The following CNIH1 variants were observed in gnomAD, a reference collection of about 807,000 sequenced individuals.
The protein encoded by CNIH1 is protein cornichon homolog 1.
In CNIH1, 12 loss-of-function variants were observed where a neutral mutation model predicts 20.2. That is an observed-to-expected ratio of 0.59 (90% CI 0.38 to 0.96). CNIH1 has a LOEUF of 0.96. Among genes scored for constraint, CNIH1 ranks in the 40% least tolerant of loss-of-function variants. The pLI is 0.00. For synonymous variants in CNIH1, 69 were observed against 63.3 expected, an observed-to-expected ratio of 1.09 and a Z score of -0.43; for missense variants, 152 against 178.8, an observed-to-expected ratio of 0.85 and a Z score of 0.85.
In CNIH1 at chr14:54,424,430, A is replaced by G. The variant is rs1296819966; in HGVS notation, c.*3384T>C. 1.3e-5 allele frequency: 2 copies of G among 152,358 alleles called. No homozygotes were observed. Among genetic ancestry groups the G allele is most frequent in the African/African-American group, 4.8e-5 (2 of 41,588 alleles). 9.4% of individuals were successfully genotyped at this position (152,358 alleles called of 1,614,324 possible). A position where few individuals can be genotyped will look rare whatever the true frequency, so the allele number is the denominator to read the frequency against. ...AAGTAAACTAGACACATACTTTTAAATATAGACCATTATTTGAGTGGGCTT... is the reference window on the plus strand; with the variant it reads ...AAGTAAACTAGACACATACTTTTAAGTATAGACCATTATTTGAGTGGGCTT... On this transcript the variant is annotated 3_prime_UTR_variant, in exon 5 of 5. Transcript: ENST00000216416.
At position 54,425,803 on chromosome 14, in the gene CNIH1, C is replaced by T. The variant is rs2139997369; in HGVS notation, c.*2011G>A. The T allele has an allele frequency of 6.6e-6, 1 of 152,254 alleles. No individual in the cohort carries two copies. The highest frequency in any genetic ancestry group is 2.1e-4 in the South Asian group (1 of 4,816). 9.4% of individuals were successfully genotyped at this position (152,254 alleles called of 1,614,324 possible). ...TTGGGAAACATGAGAAAATGGCTTC[C>T]ACAAATCCCAACCAGTAAACTTACT... is the stretch of plus-strand genomic sequence containing the variant. On this transcript the variant is annotated 3_prime_UTR_variant, in exon 5 of 5. Transcript: ENST00000216416.
Position 54,430,302 on chromosome 14 carries a change from T to C in CNIH1, c.366A>G (p.Lys122=), listed in dbSNP as rs2030908261. Reference sequence around the variant, plus strand: ...AAAATGCTAGAAGATAAAAAGCTAATTTGCACCATCCTTCCTTCTGACAAT... The same window carrying C: ...AAAATGCTAGAAGATAAAAAGCTAACTTGCACCATCCTTCCTTCTGACAAT... ...LAYCQKEGWC[K]LAFYLLAFFY... Residue 122 remains lysine, a synonymous_variant, in exon 4 of 5, where the codon AAA becomes AAG. Coordinates refer to ENST00000216416, the MANE Select transcript of CNIH1 (RefSeq NM_005776.3). The C allele has an allele frequency of 6.2e-7, 1 of 1,614,104 alleles. No homozygotes were observed. Among genetic ancestry groups the C allele is most frequent in the African/African-American group, 1.3e-5 (1 of 75,046 alleles).
chr14:54,434,467 T>G (rs569157869), intron 2 of CNIH1, among the ~76,000 whole-genome samples: 1 of 152,350 alleles, frequency 6.6e-6, no homozygotes, highest in East Asian at 1.9e-4. Flanking sequence ...GTTCAAGTTC[T>G]GACTCTATCT....
At chr14:54,430,953 T>A (rs1196261846) in intron 3 of CNIH1, among the ~76,000 whole-genome samples, 1 of 152,016 alleles carries the variant, frequency 6.6e-6, no homozygotes, top group Non-Finnish European at 1.5e-5. Flanking sequence ...TGCCTCAGCC[T>A]CCCAAGTAGC....
chr14:54,427,891 A>T (rs185470039), intron 4 of CNIH1, 50 bp from the exon 5 acceptor site: 190 of 1,573,118 alleles, frequency 1.2e-4, no homozygotes, highest in Admixed American at 5.4e-4. Flanking sequence ...ATTATTAAAA[A>T]AAAACTCAGA....
Position 54,427,825 on chromosome 14 carries a change from C to T in CNIH1, c.424G>A (p.Val142Met). 6.2e-7 allele frequency: 1 copy of T among 1,613,168 alleles called. No individual in the cohort carries two copies. The highest frequency in any genetic ancestry group is 1.7e-5 in the Admixed American group (1 of 59,960). Residue 142 changes from valine (V) to methionine (M), a missense_variant, in exon 5 of 5, where the codon GTG becomes ATG. By Grantham distance (21) the Val-to-Met change is conservative. Around this residue, in one of 3 missense-constraint regions of CNIH1, gnomAD observed 28 missense variants for 22.8 expected, o/e 1.23. Transcript: ENST00000216416. ...TTCTGTGTGTTGTTCTAAGAGCTCA[C>T]CAAAACATAGATCATGCTGAAAAGA... ...YYLYGMIYVL[V>M]SS
At chr14:54,440,216 C>A (rs1188733451) in intron 1 of CNIH1, among the ~76,000 whole-genome samples, 1 of 152,146 alleles carries the variant, frequency 6.6e-6, no homozygotes, top group Non-Finnish European at 1.5e-5. Flanking sequence ...CATGATGAAA[C>A]CTGACTTAAA....
Position 54,432,103 on chromosome 14 carries a change from A to G in CNIH1, c.263+5T>C. The G allele has an allele frequency of 7.2e-7, 1 of 1,398,018 alleles. No individual in the cohort carries two copies. Among genetic ancestry groups the G allele is most frequent in the Non-Finnish European group, 9.5e-7 (1 of 1,049,784 alleles). 86.6% of individuals were successfully genotyped at this position (1,398,018 alleles called of 1,614,324 possible). A position where few individuals can be genotyped will look rare whatever the true frequency, so the allele number is the denominator to read the frequency against. On this transcript the variant is annotated splice_donor_5th_base_variant and intron_variant, in intron 3 of 4. Transcript: ENST00000216416. The stretch of plus-strand genomic sequence containing the variant: ...AAAAATATTAAAAGTGTATCTAAAT[A>G]TTACCTCCAAATATGATATGCCAAG...
chr14:54,436,434 T>A lies in CNIH1; in HGVS notation c.85A>T (p.Ile29Leu). The change falls in exon 2 of 5, where the codon ATA becomes TTA. Residue 29 changes from isoleucine to leucine, a missense_variant. This residue lies in a region of CNIH1 where 97 missense variants were observed against 100.6 expected (regional missense o/e 0.96). Coordinates refer to ENST00000216416, the MANE Select transcript of CNIH1 (RefSeq NM_005776.3). Reference sequence around the variant, plus strand: ...TCAGTCTTCAGCTCATCAAATGCTATAATCTAAAATAAAATTAAAACAGTT... The same window carrying A: ...TCAGTCTTCAGCTCATCAAATGCTAAAATCTAAAATAAAATTAAAACAGTT... ...ALIFFAIWHI[I>L]AFDELKTDYK... 6.4e-7 allele frequency: 1 copy of A among 1,551,752 alleles called. No individual in the cohort carries two copies. The highest frequency in any genetic ancestry group is 8.9e-7 in the Non-Finnish European group (1 of 1,125,066).
rs911058896 is a variant in CNIH1 at position 54,425,286 on chromosome 14, G to C, written c.*2528C>G. ...TAGATATAACCACAGTGTTACACAA[G>C]ATGCAATAAAATAGACACAAACAGG... On this transcript the variant is annotated 3_prime_UTR_variant, in exon 5 of 5. Transcript: ENST00000216416. 2.6e-5 allele frequency: 4 copies of C among 151,756 alleles called. No individual in the cohort carries two copies. The highest frequency in any genetic ancestry group is 2.6e-4 in the Admixed American group (4 of 15,236). The allele number at this position is 151,756 out of a possible 1,614,324, so 9.4% of individuals were successfully genotyped here.
intron 3 of CNIH1, among the ~76,000 whole-genome samples, chr14:54,431,325 A>C (rs1044450476): frequency 1.3e-5 from 2 of 151,590 alleles, no homozygotes; most frequent in Non-Finnish European, 2.9e-5. Context: ...ACAGGGTTTC[A>C]CCATCTTGGC....
At chr14:54,434,204 G>A (rs1363253102) in intron 2 of CNIH1, among the ~76,000 whole-genome samples, 1 of 152,178 alleles carries the variant, frequency 6.6e-6, no homozygotes, top group East Asian at 1.9e-4. Flanking sequence ...AGGGAAAACT[G>A]TCAGATGCAC....
At position 54,424,509 on chromosome 14, in the gene CNIH1, T is replaced by C. The variant is rs1218553534; in HGVS notation, c.*3305A>G. 6.6e-6 allele frequency: 1 copy of C among 152,166 alleles called. No individual in the cohort carries two copies. Among genetic ancestry groups the C allele is most frequent in the African/African-American group, 2.4e-5 (1 of 41,444 alleles). 9.4% of individuals were successfully genotyped at this position (152,166 alleles called of 1,614,324 possible). On this transcript the variant is annotated 3_prime_UTR_variant, in exon 5 of 5. Transcript: ENST00000216416. ...AAGGTGAAAGCTCACCCCTACAGGG[T>C]ATAAGTGATACACGGAAGTCATTAT...
rs1255652095 is a variant in CNIH1, at chr14:54,424,100, TATTA to T, written c.*3710_*3713del. ...TTTTACTTTTGATATCATTCTGAGG[TATTA>T]ATTCAGAACCATCTTCCAAGCTATA... On this transcript the variant is annotated 3_prime_UTR_variant, in exon 5 of 5. Coordinates refer to ENST00000216416, the MANE Select transcript of CNIH1 (RefSeq NM_005776.3). The T allele has an allele frequency of 6.6e-6, 1 of 152,208 alleles. No individual in the cohort carries two copies. The highest frequency in any genetic ancestry group is 1.5e-5 in the Non-Finnish European group (1 of 68,036). The allele number at this position is 152,208 out of a possible 1,614,324, so 9.4% of individuals were successfully genotyped here.
rs755517979 is a variant in CNIH1, at chr14:54,427,859, G to A, written c.408-18C>T. The A allele has an allele frequency of 6.2e-7, 1 of 1,611,634 alleles. No homozygotes were observed. The highest frequency in any genetic ancestry group is 8.5e-7 in the Non-Finnish European group (1 of 1,178,610). ...AGATCATGCTGAAAAGAAGAAAAAA[G>A]ATGTTAATTTGAACATTACTAATTA... On this transcript the variant is annotated intron_variant, in intron 4 of 4. Transcript: ENST00000216416.
In CNIH1 at chr14:54,424,543, T is replaced by A. The variant is rs1213307509; in HGVS notation, c.*3271A>T. 6.6e-6 allele frequency: 1 copy of A among 152,248 alleles called. No homozygotes were observed. The highest frequency in any genetic ancestry group is 1.5e-5 in the Non-Finnish European group (1 of 68,048). 9.4% of individuals were successfully genotyped at this position (152,248 alleles called of 1,614,324 possible). A position where few individuals can be genotyped will look rare whatever the true frequency, so the allele number is the denominator to read the frequency against. ...TACACGGAAGTCATTATTTGCACTA[T>A]GGCAATATTCCACGAACTCTATTCA... On this transcript the variant is annotated 3_prime_UTR_variant, in exon 5 of 5. Transcript: ENST00000216416.
intron 1 of CNIH1, among the ~76,000 whole-genome samples, chr14:54,440,455 T>TC (rs1294498457): frequency 6.6e-6 from 1 of 152,212 alleles, no homozygotes; most frequent in African/African-American, 2.4e-5. Flanking sequence ...AGGCTGTGCT[T>TC]CCACCCTGCA....
intron 2 of CNIH1, among the ~76,000 whole-genome samples, chr14:54,433,801 G>A (rs1483624099): frequency 6.6e-6 from 1 of 152,094 alleles, no homozygotes; most frequent in Non-Finnish European, 1.5e-5. Context: ...TTGAAAGCAT[G>A]AACCCCTCCC....
chr14:54,437,532 T>G (rs2031078756), intron 1 of CNIH1, among the ~76,000 whole-genome samples: 3 of 152,010 alleles, frequency 2.0e-5, no homozygotes, highest in Non-Finnish European at 2.9e-5. Flanking sequence ...TAATAAAACA[T>G]TAGAATGTAA....
Sources: gnomAD v4.1 joint callset for allele counts (sites outside exome capture counted in the v4.1 genomes callset) on GRCh38, gnomAD v4.1.1 for gene constraint, gnomAD v4.1.1 regional missense constraint, MANE v1.5 for transcripts, NCBI Gene and HGNC (gene_info 2026-07-23, HGNC 2026-07-21) for gene names.